TTLL11: variants seen among roughly 807,000 people sequenced by gnomAD.
The protein encoded by TTLL11 is tubulin polyglutamylase TTLL11.
TTLL11 carries 42 observed loss-of-function variants against 51.7 expected under a neutral mutation model. The observed-to-expected ratio is 0.81, with a 90% confidence interval of 0.64 to 1.05. TTLL11 has a LOEUF of 1.05. Ranked by LOEUF, TTLL11 falls within the 50% of genes least tolerant of loss-of-function variation. The probability of loss-of-function intolerance (pLI) is 0.00; values close to 1 mark genes in which losing one functional copy is unlikely to be tolerated. For synonymous variants in TTLL11, 381 were observed against 383.5 expected (o/e 0.99, Z 0.08); for missense variants, 799 against 940.4 (o/e 0.85, Z 1.97).
chr9:121,860,307 C>T, intron 8 of TTLL11, 30 bp downstream of exon 8: 4 of 1,525,100 alleles, frequency 2.6e-6, no homozygotes, highest in South Asian at 2.4e-5. Context: ...AGGACCCCCA[C>T]AGGCCATGGC....
intron 1 of TTLL11, among the ~76,000 whole-genome samples, chr9:122,055,661 G>C (rs1219268136): frequency 1.3e-5 from 2 of 152,192 alleles, no homozygotes; most frequent in Non-Finnish European, 2.9e-5. Context: ...GAATGAACCA[G>C]TGGACAAGTC....
intron 6 of TTLL11, among the ~76,000 whole-genome samples, chr9:121,902,131 C>A (rs573791430): frequency 1.3e-5 from 2 of 151,736 alleles, no homozygotes; most frequent in African/African-American, 4.9e-5. Flanking sequence ...AAACCATGGG[C>A]AATCAAGATG....
intron 8 of TTLL11, among the ~76,000 whole-genome samples, chr9:121,854,225 C>T (rs896409882): frequency 4.6e-5 from 7 of 152,072 alleles, no homozygotes; most frequent in African/African-American, 9.7e-5. Context: ...AGGCAGCCCC[C>T]GGAGCTGGGC....
At chr9:122,007,263 G>T (rs1843683015) in intron 3 of TTLL11, among the ~76,000 whole-genome samples, 1 of 151,934 alleles carries the variant, frequency 6.6e-6, no homozygotes, top group Non-Finnish European at 1.5e-5. Flanking sequence ...TATAAGAAAA[G>T]CCTGGAATGT....
intron 2 of TTLL11, among the ~76,000 whole-genome samples, chr9:122,037,655 G>A (rs575350064): frequency 1.3e-4 from 20 of 152,280 alleles, no homozygotes; most frequent in African/African-American, 4.3e-4. Context: ...GGGCATCTAA[G>A]CCAAGAAAGA....
chr9:122,031,008 A>G (rs1359820430), intron 3 of TTLL11, among the ~76,000 whole-genome samples: 1 of 149,956 alleles, frequency 6.7e-6, no homozygotes, highest in African/African-American at 2.5e-5. Context: ...ACATAGCAGG[A>G]CCAGTAAATG....
intron 1 of TTLL11, among the ~76,000 whole-genome samples, chr9:122,091,128 T>C (rs1005458639): frequency 1.3e-5 from 2 of 152,128 alleles, no homozygotes; most frequent in Non-Finnish European, 2.9e-5. Context: ...TCTGGCCCCA[T>C]CTCTCCGAGC....
chr9:121,859,255 T>C (rs4836867), intron 8 of TTLL11, among the ~76,000 whole-genome samples: 109,965 of 151,524 alleles, frequency 0.73, 40,107 homozygotes, highest in Middle Eastern at 0.81. Flanking sequence ...CTTTGGGAAG[T>C]CAAGACAGGC....
intron 1 of TTLL11, among the ~76,000 whole-genome samples, chr9:122,059,867 C>A (rs969647175): frequency 6.6e-6 from 1 of 152,198 alleles, no homozygotes; most frequent in Non-Finnish European, 1.5e-5. Context: ...CATCTCCTTG[C>A]AGCTGCGGGA....
At chr9:122,087,757 T>C (rs1424950633) in intron 1 of TTLL11, among the ~76,000 whole-genome samples, 1 of 152,152 alleles carries the variant, frequency 6.6e-6, no homozygotes, top group Non-Finnish European at 1.5e-5. Flanking sequence ...GAAGCATCCA[T>C]GGGAGATGGG....
At chr9:121,901,299 ACTT>A (rs1287580198) in intron 6 of TTLL11, among the ~76,000 whole-genome samples, 2 of 151,936 alleles carry the variant, frequency 1.3e-5, no homozygotes, top group Non-Finnish European at 2.9e-5. Context: ...AAATAGTTTG[ACTT>A]CTTCTTTGCC....
Position 121,820,006 on chromosome 9 carries a change from C to T in TTLL11, c.*2581G>A, listed in dbSNP as rs1288018185. Among the ~76,000 whole-genome samples, 2 of 152,170 alleles carry T rather than the reference C, an allele frequency of 1.3e-5. No homozygotes were observed. Among genetic ancestry groups the T allele is most frequent in the Non-Finnish European group, 2.9e-5 (2 of 68,034 alleles). On this transcript the variant is annotated 3_prime_UTR_variant, in exon 9 of 9. Transcript: ENST00000321582. ...ACAGCCTCATTTCCCTAACAATCAGCAGGGAGGCTCTGTGCCCTGCGGGTG... is the reference window on the plus strand; with the variant it reads ...ACAGCCTCATTTCCCTAACAATCAGTAGGGAGGCTCTGTGCCCTGCGGGTG...
chr9:122,028,734 G>A (rs1176422480), intron 3 of TTLL11, among the ~76,000 whole-genome samples: 1 of 151,834 alleles, frequency 6.6e-6, no homozygotes, highest in African/African-American at 2.4e-5. Flanking sequence ...TATTTCCCAG[G>A]GCCATGAAAC....
chr9:121,822,641 TG>T lies in TTLL11; in HGVS notation c.2078del (p.Pro693HisfsTer87). ...PSAQPAGDNPPPRTSCANKLS... is the reference protein window; with the variant it reads ...PSAQPAGDNPXPRTSCANKLS... The stretch of plus-strand genomic sequence containing the variant: ...GCTTATTGGCACAGCTGGTGCGGGG[TG>T]GGGGGTTGTCCCCTGCTGGCTGGGC... On this transcript the variant is annotated frameshift_variant, in exon 9 of 9. Transcript: ENST00000321582. LOFTEE classifies it low-confidence loss of function (END_TRUNC). The surrounding 1 kb of genome is among the most constrained non-coding windows in gnomAD (Gnocchi z 5.8). The T allele has an allele frequency of 1.4e-6, 2 of 1,456,470 alleles. No individual in the cohort carries two copies. The highest frequency in any genetic ancestry group is 1.8e-6 in the Non-Finnish European group (2 of 1,097,222). The allele number at this position is 1,456,470 out of a possible 1,614,324, so 90.2% of individuals were successfully genotyped here.
chr9:121,881,442 T>C (rs951376998), intron 6 of TTLL11, among the ~76,000 whole-genome samples: 2 of 152,238 alleles, frequency 1.3e-5, no homozygotes, highest in African/African-American at 4.8e-5. Flanking sequence ...AGTAATTCCG[T>C]AGGCATATCC....
At chr9:121,946,751 T>TA (rs1485046153) in intron 6 of TTLL11, among the ~76,000 whole-genome samples, 6 of 152,312 alleles carry the variant, frequency 3.9e-5, no homozygotes, top group Admixed American at 1.3e-4. Flanking sequence ...TTAATTTTTT[T>TA]AAAACCATGT....
At chr9:121,962,205 T>C (rs1038703856) in intron 6 of TTLL11, among the ~76,000 whole-genome samples, 7 of 152,334 alleles carry the variant, frequency 4.6e-5, no homozygotes, top group African/African-American at 1.2e-4. Context: ...GGAGATGTCA[T>C]GCTATGCACT....
intron 6 of TTLL11, among the ~76,000 whole-genome samples, chr9:121,906,330 T>C (rs1839944414): frequency 8.3e-6 from 1 of 120,576 alleles, no homozygotes; most frequent in African/African-American, 2.9e-5. Context: ...CAGATCCATT[T>C]ATGTAATAAT....
intron 6 of TTLL11, among the ~76,000 whole-genome samples, chr9:121,941,340 C>T (rs1313610364): frequency 1.3e-5 from 2 of 152,326 alleles, no homozygotes; most frequent in East Asian, 3.9e-4. Context: ...CTGGTGGACT[C>T]ACCTTCCGCT....
Sources: allele counts gnomAD v4.1 joint callset (sites outside exome capture counted in the v4.1 genomes callset), GRCh38; gene constraint gnomAD v4.1.1; non-coding constraint Gnocchi (gnomAD v3.1); transcripts MANE v1.5; gene names NCBI Gene and HGNC (gene_info 2026-07-23, HGNC 2026-07-21).